The following TMPRSS2 variants were observed in gnomAD, a reference collection of about 807,000 sequenced individuals.
The protein encoded by TMPRSS2 is transmembrane protease serine 2.
Under a neutral mutation model 67.4 loss-of-function variants are expected in TMPRSS2, and 59 were observed. That is an observed-to-expected ratio of 0.88 (90% CI 0.71 to 1.09). The LOEUF (loss-of-function observed/expected upper bound fraction) is 1.09. TMPRSS2 is among the 50% of genes least tolerant of loss of function. The pLI is 0.00. For missense variants in TMPRSS2, 668 were observed against 642.7 expected, an observed-to-expected ratio of 1.04 and a Z score of -0.43; for synonymous variants, 257 against 257.0, an observed-to-expected ratio of 1.00 and a Z score of 0.00.
Position 41,466,056 on chromosome 21 carries a change from T to C in TMPRSS2, c.*86A>G. ...TAAAAATGAAGTGACCTCTGAATCATCTCTAAGAGTAAATCATGCACGGGG... is the reference window on the plus strand; with the variant it reads ...TAAAAATGAAGTGACCTCTGAATCACCTCTAAGAGTAAATCATGCACGGGG... On this transcript the variant is annotated 3_prime_UTR_variant, in exon 14 of 14. Transcript: ENST00000332149. The C allele has an allele frequency of 2.0e-6, 3 of 1,498,918 alleles. No individual in the cohort carries two copies. Among genetic ancestry groups the C allele is most frequent in the Non-Finnish European group, 2.8e-6 (3 of 1,082,200 alleles). 92.9% of individuals were successfully genotyped at this position (1,498,918 alleles called of 1,614,324 possible).
At chr21:41,481,888 C>T (rs1161179949) in intron 5 of TMPRSS2, among the ~76,000 whole-genome samples, 1 of 151,962 alleles carries the variant, frequency 6.6e-6, no homozygotes, top group Non-Finnish European at 1.5e-5. Context: ...CATGGAGAAA[C>T]CGATCTCTAC....
chr21:41,471,664 C>G, intron 10 of TMPRSS2, 142 bp downstream of exon 10: 1 of 890,754 alleles, frequency 1.1e-6, no homozygotes, highest in Non-Finnish European at 1.7e-6. Context: ...CTCTGTGAGC[C>G]TCTCCCATTG....
chr21:41,506,684 C>T (rs55704664), intron 1 of TMPRSS2: 20,434 of 152,504 alleles, frequency 0.13, 1,724 homozygotes, highest in Non-Finnish European at 0.19. Flanking sequence ...CCCATCCTTC[C>T]TTCAGGGGAG....
rs1413976536 is a variant in TMPRSS2 at position 41,478,126 on chromosome 21, G to C, written c.683+1046C>G. 1.3e-5 allele frequency among the ~76,000 whole-genome samples: 2 copies of C among 152,250 alleles called. No homozygotes were observed. The highest frequency in any genetic ancestry group is 1.5e-5 in the Non-Finnish European group (1 of 68,046). On this transcript the variant is annotated intron_variant, in intron 7 of 13. Coordinates refer to ENST00000332149, the MANE Select transcript of TMPRSS2 (RefSeq NM_005656.4). This position sits in a 1 kb window ranked among gnomAD's most constrained non-coding sequence, Gnocchi z 4.0. Reference sequence around the variant, plus strand: ...CAGCTGTGTTTAGCTTCTCCACAGGGACAAACCGCAGCCCTGCTGTTTTGA... The same window carrying C: ...CAGCTGTGTTTAGCTTCTCCACAGGCACAAACCGCAGCCCTGCTGTTTTGA...
chr21:41,473,293 C>A (rs140141551), intron 9 of TMPRSS2, 32 bp downstream of exon 9: 21,758 of 1,546,314 alleles, frequency 0.014, 231 homozygotes, highest in Middle Eastern at 0.018. Flanking sequence ...CAGCCCTGAG[C>A]CCCCACCCGG....
intron 5 of TMPRSS2, chr21:41,488,001 C>T (rs1853403932): frequency 6.0e-6 from 1 of 165,798 alleles, no homozygotes; most frequent in South Asian, 1.7e-4. Context: ...CCATATTGGT[C>T]AGGCTGGTCT....
chr21:41,479,104 A>G (rs1244742774), intron 7 of TMPRSS2, 68 bp downstream of exon 7: 3 of 1,233,664 alleles, frequency 2.4e-6, no homozygotes, highest in Non-Finnish European at 3.6e-6. Flanking sequence ...GACTCAGGAC[A>G]ACGATTCCCC....
rs757028965 is a variant in TMPRSS2 at position 41,466,139 on chromosome 21, G to C, written c.*3C>G. ...ACGACGTCAAGGACGAAGACCATGTGGATTAGCCGTCTGCCTGTTCAAATA... is the reference window on the plus strand; with the variant it reads ...ACGACGTCAAGGACGAAGACCATGTCGATTAGCCGTCTGCCTGTTCAAATA... On this transcript the variant is annotated 3_prime_UTR_variant, in exon 14 of 14. Transcript: ENST00000332149. 2.5e-6 allele frequency: 4 copies of C among 1,613,894 alleles called. No homozygotes were observed. Among genetic ancestry groups the C allele is most frequent in the Non-Finnish European group, 3.4e-6 (4 of 1,179,988 alleles).
chr21:41,479,390 C>T lies in TMPRSS2; in HGVS notation c.573-108G>A. 3 of 819,580 alleles carry T rather than the reference C, an allele frequency of 3.7e-6. No homozygotes were observed. In the East Asian group the frequency reaches 7.8e-5, roughly 21 times the overall value. The allele number at this position is 819,580 out of a possible 1,614,324, so 50.8% of individuals were successfully genotyped here. A position where few individuals can be genotyped will look rare whatever the true frequency, so the allele number is the denominator to read the frequency against. On this transcript the variant is annotated intron_variant, in intron 6 of 13. Transcript: ENST00000332149. ...CGACATTCAGAATAAGAGGGAAAAACCTTAGCATTTAGGAAAAAAAATCAC... is the reference window on the plus strand; with the variant it reads ...CGACATTCAGAATAAGAGGGAAAAATCTTAGCATTTAGGAAAAAAAATCAC...
intron 1 of TMPRSS2, among the ~76,000 whole-genome samples, chr21:41,504,749 C>G (rs139829932): frequency 6.6e-6 from 1 of 152,182 alleles, no homozygotes; most frequent in South Asian, 2.1e-4. Flanking sequence ...CAGGCCCATA[C>G]CCCTGGTGCT....
At chr21:41,479,412 T>A in intron 6 of TMPRSS2, 130 bp from the exon 7 acceptor site, 1 of 673,700 alleles carries the variant, frequency 1.5e-6, no homozygotes, top group Non-Finnish European at 2.5e-6. Context: ...GGAAAAAAAA[T>A]CACACGTTCT....
At position 41,470,914 on chromosome 21, in the gene TMPRSS2, C is replaced by T. The variant is rs544946928; in HGVS notation, c.1076-171G>A. On this transcript the variant is annotated intron_variant, in intron 10 of 13. Coordinates refer to ENST00000332149, the MANE Select transcript of TMPRSS2 (RefSeq NM_005656.4). ...TTCTCCCCCTGCCAGACCTCTCCTT[C>T]TGGCAGGCAAGACGTTATGCTACTT... 6.9e-4 allele frequency among the ~76,000 whole-genome samples: 105 copies of T among 152,334 alleles called. No individual in the cohort carries two copies. In the South Asian group the frequency reaches 0.01, roughly 15 times the overall value.
chr21:41,480,948 T>C (rs923796865), intron 5 of TMPRSS2, among the ~76,000 whole-genome samples: 1 of 152,118 alleles, frequency 6.6e-6, no homozygotes, highest in Non-Finnish European at 1.5e-5. Flanking sequence ...TTGTCCCAAC[T>C]TGTATCGTCC....
At chr21:41,481,623 A>G (rs2091257657) in intron 5 of TMPRSS2, among the ~76,000 whole-genome samples, 1 of 152,216 alleles carries the variant, frequency 6.6e-6, no homozygotes, top group East Asian at 1.9e-4. Context: ...TTTATGGTAC[A>G]TACATTACAT....
chr21:41,507,884 T>C, intron 1 of TMPRSS2, 197 bp downstream of exon 1: 1 of 1,469,272 alleles, frequency 6.8e-7, no homozygotes, highest in Non-Finnish European at 9.0e-7. Context: ...CGCCCAGCAC[T>C]CTCCCAGCAC....
At chr21:41,502,523 T>C in intron 1 of TMPRSS2, 1 of 985,274 alleles carries the variant, frequency 1.0e-6, no homozygotes, top group South Asian at 4.7e-5. Flanking sequence ...ACCACCACCA[T>C]CCACGGACAC....
At chr21:41,488,140 G>T (rs1460617562) in intron 5 of TMPRSS2, 7 of 355,488 alleles carry the variant, frequency 2.0e-5, no homozygotes, top group Admixed American at 1.8e-4. Flanking sequence ...CTGACTTCCT[G>T]TGGCAGTTCA....
chr21:41,495,067 C>CA (rs3037875), intron 2 of TMPRSS2, among the ~76,000 whole-genome samples: 63 of 136,912 alleles, frequency 4.6e-4, no homozygotes, highest in East Asian at 2.6e-3. Flanking sequence ...GACTATGTCT[C>CA]AAAAAAAAAA....
rs1346752687 is a variant in TMPRSS2 at position 41,467,778 on chromosome 21, C to T, written c.1423G>A (p.Gly475Arg). ...CAKAYRPGVY[G>R]NVMVFTDWIY... ...CAGTCCGTGAATACCATCACATTCCCGTACACTCCTGGTCTGTAAGCTTTG... is the reference window on the plus strand; with the variant it reads ...CAGTCCGTGAATACCATCACATTCCTGTACACTCCTGGTCTGTAAGCTTTG... Residue 475 changes from glycine (G) to arginine (R), a missense_variant, in exon 13 of 14, where the codon GGG becomes AGG. By Grantham distance (125) the Gly-to-Arg change is moderately radical (BLOSUM62 -2). Transcript: ENST00000332149. 3 of 1,614,212 alleles carry T rather than the reference C, an allele frequency of 1.9e-6. No homozygotes were observed. The highest frequency in any genetic ancestry group is 1.7e-6 in the Non-Finnish European group (2 of 1,180,048).
Sources: gnomAD v4.1 joint callset for allele counts (sites outside exome capture counted in the v4.1 genomes callset) on GRCh38, gnomAD v4.1.1 for gene constraint, Gnocchi (gnomAD v3.1) non-coding constraint, MANE v1.5 for transcripts, NCBI Gene and HGNC (gene_info 2026-07-23, HGNC 2026-07-21) for gene names.